TCEANC2: variants seen among roughly 807,000 people sequenced by gnomAD.
The protein encoded by TCEANC2 is transcription elongation factor A N-terminal and central domain-containing protein 2.
TCEANC2 carries 20 observed loss-of-function variants against 22.8 expected under a neutral mutation model. The ratio of observed to expected loss-of-function variants is 0.88; its 90% confidence interval spans 0.62 to 1.28. TCEANC2 has a LOEUF of 1.28. Among genes scored for constraint, TCEANC2 ranks in the 50% most tolerant of loss-of-function variants. The pLI is 0.00. For missense variants in TCEANC2, 251 were observed against 249.7 expected, an observed-to-expected ratio of 1.01 and a Z score of -0.03; for synonymous variants, 84 against 95.5, an observed-to-expected ratio of 0.88 and a Z score of 0.70.
In TCEANC2 at chr1:54,098,601, A is replaced by G. The variant is rs571012352; in HGVS notation, c.*2128A>G. 2.0e-5 allele frequency: 3 copies of G among 152,234 alleles called. No homozygotes were observed. The highest frequency in any genetic ancestry group is 7.2e-5 in the African/African-American group (3 of 41,440). 9.4% of individuals were successfully genotyped at this position (152,234 alleles called of 1,614,324 possible). On this transcript the variant is annotated 3_prime_UTR_variant, in exon 5 of 5. Transcript: ENST00000234827. ...TCCCCACTCCCAGAATGTAAGCTTCATGAAAGCAGAGTCTCTGTTCTGTTC... is the reference window on the plus strand; with the variant it reads ...TCCCCACTCCCAGAATGTAAGCTTCGTGAAAGCAGAGTCTCTGTTCTGTTC...
At chr1:54,082,619 G>A (rs754075085) in intron 3 of TCEANC2, among the ~76,000 whole-genome samples, 3 of 152,054 alleles carry the variant, frequency 2.0e-5, no homozygotes, top group Non-Finnish European at 4.4e-5. Flanking sequence ...GTAGGAGCAG[G>A]CCAGCCAGCA....
chr1:54,059,794 GT>G (rs1657817667), intron 2 of TCEANC2, among the ~76,000 whole-genome samples: 1 of 152,198 alleles, frequency 6.6e-6, no homozygotes, highest in African/African-American at 2.4e-5. Flanking sequence ...TGAATAAACA[GT>G]AATCATCTGT....
rs1189107298 is a variant in TCEANC2 at position 54,064,749 on chromosome 1, G to C, written c.103-4007G>C. On this transcript the variant is annotated intron_variant, in intron 2 of 4. Transcript: ENST00000234827. The stretch of plus-strand genomic sequence containing the variant: ...GAGTCTCACTGTGTCACCTAGGCTG[G>C]AGTGCAGTGGTGCGATCTCGGCTCA... 2.1e-5 allele frequency among the ~76,000 whole-genome samples: 3 copies of C among 143,432 alleles called. No homozygotes were observed. In the East Asian group the frequency reaches 6.1e-4, roughly 29 times the overall value. 94.1% of individuals were successfully genotyped at this position (143,432 alleles called of 152,430 possible). A position where few individuals can be genotyped will look rare whatever the true frequency, so the allele number is the denominator to read the frequency against.
intron 2 of TCEANC2, among the ~76,000 whole-genome samples, chr1:54,060,000 G>T (rs1033078814): frequency 6.6e-6 from 1 of 152,168 alleles, no homozygotes; most frequent in Non-Finnish European, 1.5e-5. Context: ...AGGTGTGGTG[G>T]CTCATGCCTA....
chr1:54,110,091 C>T (rs1275130349), downstream of TCEANC2, among the ~76,000 whole-genome samples: 1 of 152,182 alleles, frequency 6.6e-6, no homozygotes, highest in African/African-American at 2.4e-5. Flanking sequence ...TAGTGAACTC[C>T]TGTACAGGCT....
chr1:54,057,404 T>A (rs957955093), intron 2 of TCEANC2, among the ~76,000 whole-genome samples: 1 of 146,156 alleles, frequency 6.8e-6, no homozygotes, highest in Non-Finnish European at 1.5e-5. Flanking sequence ...TTGTCCAGTC[T>A]GGTCTTGAAC....
Position 54,105,993 on chromosome 1 carries a change from C to T in TCEANC2, c.*9520C>T, listed in dbSNP as rs990380259. 3.9e-5 allele frequency: 6 copies of T among 152,306 alleles called. No individual in the cohort carries two copies. The highest frequency in any genetic ancestry group is 1.4e-4 in the African/African-American group (6 of 41,576). 9.4% of individuals were successfully genotyped at this position (152,306 alleles called of 1,614,324 possible). On this transcript the variant is annotated 3_prime_UTR_variant, in exon 5 of 5. Coordinates refer to ENST00000234827, the MANE Select transcript of TCEANC2 (RefSeq NM_153035.3). The stretch of plus-strand genomic sequence containing the variant: ...CCACATGGTCTCTGTCACAACTATT[C>T]AGCTCTGCTATTGTAATACAAAAGC...
At chr1:54,057,491 C>T (rs749615338) in intron 2 of TCEANC2, among the ~76,000 whole-genome samples, 2 of 151,380 alleles carry the variant, frequency 1.3e-5, no homozygotes, top group Non-Finnish European at 2.9e-5. Flanking sequence ...ACGCCTGGCC[C>T]CAATTTTTAG....
chr1:54,078,906 A>G (rs1658192416), intron 3 of TCEANC2, among the ~76,000 whole-genome samples: 1 of 152,142 alleles, frequency 6.6e-6, no homozygotes, highest in Non-Finnish European at 1.5e-5. Context: ...CTGTTCTTAG[A>G]GGCAGGGGAA....
chr1:54,091,150 CAAA>C (rs11428267), intron 4 of TCEANC2, among the ~76,000 whole-genome samples: 2 of 142,932 alleles, frequency 1.4e-5, no homozygotes, highest in African/African-American at 2.6e-5. Flanking sequence ...CGTCCTTAGC[CAAA>C]AAAAAAAAAA....
intron 3 of TCEANC2, among the ~76,000 whole-genome samples, chr1:54,069,941 A>G (rs1219471953): frequency 6.6e-6 from 1 of 152,200 alleles, no homozygotes; most frequent in Non-Finnish European, 1.5e-5. Flanking sequence ...CAGGGAGTCC[A>G]GGACAGTCAT....
At chr1:54,063,862 C>G (rs930230521) in intron 2 of TCEANC2, among the ~76,000 whole-genome samples, 1 of 152,166 alleles carries the variant, frequency 6.6e-6, no homozygotes, top group Admixed American at 6.5e-5. Context: ...AGTACAGATG[C>G]AGCCATCTAT....
At position 54,055,248 on chromosome 1, in the gene TCEANC2, G is replaced by A. The variant is rs185419376; in HGVS notation, c.102+724G>A. Among the ~76,000 whole-genome samples, 344 of 152,282 alleles carry A rather than the reference G, an allele frequency of 2.3e-3. 1 individual carries two copies. The highest frequency in any genetic ancestry group is 0.02 in the Middle Eastern group (6 of 294). On this transcript the variant is annotated intron_variant, in intron 2 of 4. Transcript: ENST00000234827. ...CCCAAAGTGCTGAGATTACAGGCAT[G>A]AGCCACTGTGCCCAGCTGGAAAGAG...
In TCEANC2 at chr1:54,104,364, A is replaced by G. The variant is rs1321976422; in HGVS notation, c.*7891A>G. The G allele has an allele frequency of 4.2e-6, 1 of 236,802 alleles. No homozygotes were observed. Among genetic ancestry groups the G allele is most frequent in the Non-Finnish European group, 8.8e-6 (1 of 113,324 alleles). The allele number at this position is 236,802 out of a possible 1,614,324, so 14.7% of individuals were successfully genotyped here. The stretch of plus-strand genomic sequence containing the variant: ...CTATTAGCTGTGACTGCACCCGGGC[A>G]CTTGAGCTCCTCATATCAGGAGACT... On this transcript the variant is annotated 3_prime_UTR_variant, in exon 5 of 5. Coordinates refer to ENST00000234827, the MANE Select transcript of TCEANC2 (RefSeq NM_153035.3).
At chr1:54,088,210 C>T (rs1322830974) in intron 3 of TCEANC2, among the ~76,000 whole-genome samples, 1 of 152,146 alleles carries the variant, frequency 6.6e-6, no homozygotes, top group African/African-American at 2.4e-5. Context: ...CATTTATTAG[C>T]TAAATAATAT....
intron 3 of TCEANC2, among the ~76,000 whole-genome samples, chr1:54,088,314 A>T (rs891785693): frequency 1.7e-4 from 26 of 152,134 alleles, no homozygotes; most frequent in African/African-American, 4.3e-4. Context: ...CATTTTTTTT[A>T]AAGTAATTTT....
At position 54,099,360 on chromosome 1, in the gene TCEANC2, G is replaced by A. The variant is rs1658613440; in HGVS notation, c.*2887G>A. ...ATGAACGCTAATGGAGCTATTCTGA[G>A]CATTTGCTGAAGGGAAGGAAGCTTG... is the stretch of plus-strand genomic sequence containing the variant. On this transcript the variant is annotated 3_prime_UTR_variant, in exon 5 of 5. Transcript: ENST00000234827. 6.6e-6 allele frequency: 1 copy of A among 152,238 alleles called. No homozygotes were observed. Among genetic ancestry groups the A allele is most frequent in the South Asian group, 2.1e-4 (1 of 4,832 alleles). 9.4% of individuals were successfully genotyped at this position (152,238 alleles called of 1,614,324 possible).
Position 54,060,438 on chromosome 1 carries a change from A to G in TCEANC2, c.102+5914A>G, listed in dbSNP as rs563614450. 5.4e-5 allele frequency among the ~76,000 whole-genome samples: 8 copies of G among 149,084 alleles called. No individual in the cohort carries two copies. In the South Asian group the frequency reaches 1.7e-3, roughly 32 times the overall value. On this transcript the variant is annotated intron_variant, in intron 2 of 4. Coordinates refer to ENST00000234827, the MANE Select transcript of TCEANC2 (RefSeq NM_153035.3). ...AAAAAAATTAGCCGGGCGTGGTGGC[A>G]TGCGCCTATGGTCCTAGCCACTAGG...
intron 2 of TCEANC2, among the ~76,000 whole-genome samples, chr1:54,056,691 G>C (rs1243597363): frequency 6.6e-6 from 1 of 151,996 alleles, no homozygotes; most frequent in Non-Finnish European, 1.5e-5. Flanking sequence ...TCGTGCCCTA[G>C]TTGAAAATCA....
Sources: gnomAD v4.1 joint callset for allele counts (sites outside exome capture counted in the v4.1 genomes callset) on GRCh38, gnomAD v4.1.1 for gene constraint, MANE v1.5 for transcripts, NCBI Gene and HGNC (gene_info 2026-07-23, HGNC 2026-07-21) for gene names.